CPQ: variants seen among roughly 807,000 people sequenced by gnomAD.
CPQ encodes carboxypeptidase Q, also known as Ser-Met dipeptidase.
In CPQ, 37 loss-of-function variants were observed where a neutral mutation model predicts 45.7. The observed-to-expected ratio is 0.81, with a 90% CI of 0.62 to 1.07. The LOEUF (loss-of-function observed/expected upper bound fraction) is 1.07, where lower values mean the gene tolerates loss of function less well. Among genes scored for constraint, CPQ ranks in the 50% least tolerant of loss-of-function variants. CPQ has a pLI of 0.00. For missense variants in CPQ, 537 were observed against 572.9 expected (o/e 0.94, Z 0.64); for synonymous variants, 186 against 205.8 (o/e 0.90, Z 0.82).
intron 2 of CPQ, among the ~76,000 whole-genome samples, chr8:96,822,574 C>T: frequency 6.6e-6 from 1 of 151,884 alleles, no homozygotes; most frequent in African/African-American, 2.4e-5. Flanking sequence ...TCTACTTATC[C>T]CTGCCAACAC....
At chr8:96,755,446 T>C (rs1021585651) in intron 1 of CPQ, among the ~76,000 whole-genome samples, 1 of 151,850 alleles carries the variant, frequency 6.6e-6, no homozygotes, top group African/African-American at 2.4e-5. Context: ...GATACAATAA[T>C]TAGGAGGGTC....
chr8:96,847,437 G>T (rs1250801918), intron 3 of CPQ, among the ~76,000 whole-genome samples: 1 of 152,058 alleles, frequency 6.6e-6, no homozygotes, highest in East Asian at 1.9e-4. Context: ...TTTAAAAAAT[G>T]TATGTGATAA....
At chr8:97,040,318 T>G (rs1810095772) in intron 6 of CPQ, among the ~76,000 whole-genome samples, 1 of 152,140 alleles carries the variant, frequency 6.6e-6, no homozygotes, top group Non-Finnish European at 1.5e-5. Flanking sequence ...TCGCCCACTT[T>G]TTGATGGGGT....
chr8:96,949,358 G>A (rs1352108345), intron 4 of CPQ, among the ~76,000 whole-genome samples: 1 of 151,686 alleles, frequency 6.6e-6, no homozygotes, highest in Admixed American at 6.6e-5. Context: ...CATTTTGAGT[G>A]GGATGTTTTT....
chr8:97,011,461 A>G (rs1809483393), intron 5 of CPQ, among the ~76,000 whole-genome samples: 1 of 152,176 alleles, frequency 6.6e-6, no homozygotes, highest in Non-Finnish European at 1.5e-5. Flanking sequence ...GAGATTTTTC[A>G]CCTAAAAAGA....
intron 6 of CPQ, among the ~76,000 whole-genome samples, chr8:97,061,259 TTTTG>T (rs1810545662): frequency 6.6e-6 from 1 of 151,834 alleles, no homozygotes; most frequent in Admixed American, 6.6e-5. Flanking sequence ...AGCAAGAGAT[TTTTG>T]TTTTTGTTTT....
intron 7 of CPQ, among the ~76,000 whole-genome samples, chr8:97,106,492 C>T (rs1238621477): frequency 1.3e-5 from 2 of 152,210 alleles, no homozygotes; most frequent in African/African-American, 2.4e-5. Flanking sequence ...CCTGCTCTTG[C>T]GGCACGGCGT....
chr8:96,987,826 A>G (rs1167783932), intron 5 of CPQ, among the ~76,000 whole-genome samples: 1 of 152,068 alleles, frequency 6.6e-6, no homozygotes, highest in Non-Finnish European at 1.5e-5. Context: ...TTATTTAATA[A>G]TTTTTTCAAG....
chr8:96,743,880 G>GCTGTCTTTTTGTTTGTCC (rs1167723325), intron 1 of CPQ, among the ~76,000 whole-genome samples: 3 of 152,238 alleles, frequency 2.0e-5, no homozygotes, highest in African/African-American at 7.2e-5. Context: ...TCTCTTCAAA[G>GCTGTCTTTTTGTTTGTCC]CTGTCAGACA....
intron 7 of CPQ, among the ~76,000 whole-genome samples, chr8:97,096,253 C>T (rs912237110): frequency 5.3e-5 from 8 of 152,146 alleles, no homozygotes; most frequent in African/African-American, 1.9e-4. Flanking sequence ...GATTTAAGCA[C>T]ATAGAGTAGT....
intron 5 of CPQ, among the ~76,000 whole-genome samples, chr8:96,993,819 G>A (rs1202979804): frequency 6.6e-6 from 1 of 152,124 alleles, no homozygotes; most frequent in Non-Finnish European, 1.5e-5. Flanking sequence ...TCAACAAGGA[G>A]AAGAGAAACT....
At chr8:96,886,394 G>T (rs1490785620) in intron 4 of CPQ, among the ~76,000 whole-genome samples, 1 of 152,184 alleles carries the variant, frequency 6.6e-6, no homozygotes, top group African/African-American at 2.4e-5. Context: ...ATACTTCATG[G>T]TACTAAAATA....
At chr8:96,808,993 A>C (rs918447028) in intron 2 of CPQ, among the ~76,000 whole-genome samples, 15 of 152,186 alleles carry the variant, frequency 9.9e-5, no homozygotes, top group Middle Eastern at 3.2e-3. Flanking sequence ...CATGCACATG[A>C]ATGTGCTTTG....
intron 4 of CPQ, among the ~76,000 whole-genome samples, chr8:96,956,635 T>C (rs754695480): frequency 5.9e-5 from 9 of 152,154 alleles, no homozygotes; most frequent in Admixed American, 1.3e-4. Context: ...GATACAAAAC[T>C]AGTTAACATG....
intron 6 of CPQ, among the ~76,000 whole-genome samples, chr8:97,051,246 A>G (rs1810356653): frequency 6.6e-6 from 1 of 152,204 alleles, no homozygotes; most frequent in Non-Finnish European, 1.5e-5. Context: ...CCTCTTTTCA[A>G]ATAATATTTT....
chr8:96,800,734 T>C (rs1245761779), intron 2 of CPQ, among the ~76,000 whole-genome samples: 2 of 152,220 alleles, frequency 1.3e-5, no homozygotes, highest in African/African-American at 2.4e-5. Flanking sequence ...CAATTGCATA[T>C]GTATACATAC....
intron 3 of CPQ, among the ~76,000 whole-genome samples, chr8:96,865,250 A>G (rs1036170959): frequency 6.6e-6 from 1 of 152,060 alleles, no homozygotes; most frequent in African/African-American, 2.4e-5. Context: ...CCCAAACAAC[A>G]GCAGAGCTCT....
At position 96,768,490 on chromosome 8, in the gene CPQ, G is replaced by A. The variant is rs527282528; in HGVS notation, c.-34-16374G>A. On this transcript the variant is annotated intron_variant, in intron 1 of 7. Coordinates refer to ENST00000220763, the MANE Select transcript of CPQ (RefSeq NM_016134.4). ...ATGTGTGTGTTCCCGGTCAGTGTTTGCTAATGGTGCTGTGTGGCAGCCATT... is the reference window on the plus strand; with the variant it reads ...ATGTGTGTGTTCCCGGTCAGTGTTTACTAATGGTGCTGTGTGGCAGCCATT... 2.1e-4 allele frequency among the ~76,000 whole-genome samples: 32 copies of A among 152,262 alleles called. No homozygotes were observed. The East Asian group carries it at 3.5e-3, about 17-fold the overall frequency.
intron 2 of CPQ, among the ~76,000 whole-genome samples, chr8:96,799,575 G>A (rs747629372): frequency 6.6e-6 from 1 of 152,090 alleles, no homozygotes; most frequent in African/African-American, 2.4e-5. Flanking sequence ...ATCAGTTGAC[G>A]GATCTGACTA....
Sources: gnomAD v4.1 joint callset for allele counts (sites outside exome capture counted in the v4.1 genomes callset) on GRCh38, gnomAD v4.1.1 for gene constraint, MANE v1.5 for transcripts, NCBI Gene and HGNC (gene_info 2026-07-23, HGNC 2026-07-21) for gene names.